Variants in ZNF385B observed in about 807,000 individuals in gnomAD.
ZNF385B encodes the protein zinc finger protein 385B, also known as zinc finger protein 533.
A neutral mutation model predicts 39.2 loss-of-function variants in ZNF385B; 23 were observed. The ratio of observed to expected loss-of-function variants is 0.59; its 90% CI spans 0.42 to 0.83. The LOEUF (loss-of-function observed/expected upper bound fraction) is 0.83. Among genes scored for constraint, ZNF385B ranks in the 40% least tolerant of loss-of-function variants. The pLI, the probability that ZNF385B is intolerant of heterozygous loss-of-function variation, is 0.00. For synonymous variants in ZNF385B, 205 were observed against 222.6 expected, an observed-to-expected ratio of 0.92 and a Z score of 0.70; for missense variants, 552 against 598.9, an observed-to-expected ratio of 0.92 and a Z score of 0.82.
At chr2:179,476,995 C>T (rs1435470683) in intron 6 of ZNF385B, among the ~76,000 whole-genome samples, 1 of 152,098 alleles carries the variant, frequency 6.6e-6, no homozygotes, top group Non-Finnish European at 1.5e-5. Flanking sequence ...CAGATGCTGC[C>T]AAAGCAGAAA....
intron 3 of ZNF385B, among the ~76,000 whole-genome samples, chr2:179,663,713 C>T: frequency 1.5e-5 from 1 of 67,736 alleles, no homozygotes; most frequent in African/African-American, 6.8e-5. Flanking sequence ...GACTCCGTCT[C>T]AAAAAAAAAA....
intron 5 of ZNF385B, among the ~76,000 whole-genome samples, chr2:179,499,779 G>T (rs1446887814): frequency 6.6e-6 from 1 of 151,982 alleles, no homozygotes; most frequent in African/African-American, 2.4e-5. Flanking sequence ...AGTACTTGAA[G>T]TCCTAGCTAG....
chr2:179,452,452 G>C (rs1375302593), intron 6 of ZNF385B, among the ~76,000 whole-genome samples: 1 of 152,032 alleles, frequency 6.6e-6, no homozygotes, highest in Non-Finnish European at 1.5e-5. Context: ...GAAGTTTTAA[G>C]AAACCAATCC....
intron 1 of ZNF385B, among the ~76,000 whole-genome samples, chr2:179,859,040 T>A (rs529733708): frequency 1.4e-4 from 22 of 152,320 alleles, no homozygotes; most frequent in African/African-American, 5.3e-4. Context: ...CTTTCAGAAT[T>A]GTTTTGAAAG....
intron 3 of ZNF385B, among the ~76,000 whole-genome samples, 192 bp from the exon 4 acceptor site, chr2:179,545,161 G>T (rs1200370565): frequency 6.6e-6 from 1 of 152,196 alleles, no homozygotes; most frequent in Admixed American, 6.5e-5. Flanking sequence ...AGACAGTGGT[G>T]CACAATGCTT....
chr2:179,838,932 G>GT (rs1708400054), intron 1 of ZNF385B, among the ~76,000 whole-genome samples: 6 of 146,732 alleles, frequency 4.1e-5, no homozygotes, highest in African/African-American at 1.3e-4. Context: ...AAAAAAAGGG[G>GT]GGGGGGCATT....
At chr2:179,500,857 A>G (rs2056691585) in intron 5 of ZNF385B, among the ~76,000 whole-genome samples, 3 of 152,216 alleles carry the variant, frequency 2.0e-5, no homozygotes, top group Admixed American at 2.0e-4. Context: ...CAAGGGATTA[A>G]TAACTAGAAT....
chr2:179,594,012 G>A (rs775393324), intron 3 of ZNF385B, among the ~76,000 whole-genome samples: 1 of 148,230 alleles, frequency 6.7e-6, no homozygotes, highest in Non-Finnish European at 1.5e-5. Context: ...GGGAAGATCA[G>A]GCAGACTTCT....
chr2:179,573,601 A>T (rs1385320589), intron 3 of ZNF385B, among the ~76,000 whole-genome samples: 1 of 152,130 alleles, frequency 6.6e-6, no homozygotes, highest in African/African-American at 2.4e-5. Context: ...AAAATAAAAA[A>T]TTTAGATTAA....
At chr2:179,824,345 T>C (rs1198959632) in intron 1 of ZNF385B, among the ~76,000 whole-genome samples, 2 of 152,238 alleles carry the variant, frequency 1.3e-5, no homozygotes, top group Middle Eastern at 3.4e-3. Context: ...CACTGTACTT[T>C]AGAAAGAGAA....
intron 1 of ZNF385B, among the ~76,000 whole-genome samples, chr2:179,792,365 A>ATTT (rs66980141): frequency 8.3e-6 from 1 of 120,616 alleles, no homozygotes; most frequent in Admixed American, 9.4e-5. Context: ...AGGCCATTTC[A>ATTT]TTTTCTTTTC....
At chr2:179,714,791 C>T (rs779560827) in intron 3 of ZNF385B, among the ~76,000 whole-genome samples, 2 of 147,472 alleles carry the variant, frequency 1.4e-5, no homozygotes, top group African/African-American at 2.5e-5. Flanking sequence ...ACTAAAACTA[C>T]AAAAAAAAAA....
chr2:179,821,520 C>G (rs1707394017), intron 1 of ZNF385B, among the ~76,000 whole-genome samples: 1 of 152,038 alleles, frequency 6.6e-6, no homozygotes, highest in African/African-American at 2.4e-5. Context: ...AAACTAAAAA[C>G]AATACTCTCG....
chr2:179,599,312 G>T (rs1228574543), intron 3 of ZNF385B, among the ~76,000 whole-genome samples: 1 of 152,094 alleles, frequency 6.6e-6, no homozygotes, highest in African/African-American at 2.4e-5. Context: ...CCACTTTTGT[G>T]ACTTAATGTC....
intron 3 of ZNF385B, among the ~76,000 whole-genome samples, chr2:179,746,821 G>A (rs1185072486): frequency 2.6e-5 from 4 of 151,944 alleles, no homozygotes; most frequent in Admixed American, 6.6e-5. Flanking sequence ...ATATACCCCA[G>A]AAATACATAT....
At chr2:179,822,422 T>C (rs1188272696) in intron 1 of ZNF385B, among the ~76,000 whole-genome samples, 2 of 152,248 alleles carry the variant, frequency 1.3e-5, no homozygotes, top group Middle Eastern at 3.2e-3. Flanking sequence ...ATGATGGTAA[T>C]AATGATGAAA....
intron 3 of ZNF385B, among the ~76,000 whole-genome samples, chr2:179,727,742 C>T (rs547870596): frequency 9.2e-5 from 14 of 152,076 alleles, no homozygotes; most frequent in Middle Eastern, 3.4e-3. Context: ...ACATGTCACA[C>T]CTAAATCCTA....
In ZNF385B at chr2:179,751,166, C is replaced by G. The variant is rs116181878; in HGVS notation, c.298+18337G>C. Among the ~76,000 whole-genome samples the G allele has an allele frequency of 5.4e-5, 8 of 147,604 alleles. No homozygotes were observed. The Admixed American group carries it at 5.5e-4, about 10-fold the overall frequency. The stretch of plus-strand genomic sequence containing the variant: ...TCTCCTGCTCTTCCCACCCTCCCCA[C>G]CCCCTGCCATGTCTCCCCTACAGAT... On this transcript the variant is annotated intron_variant, in intron 3 of 9. Coordinates refer to ENST00000410066, the MANE Select transcript of ZNF385B (RefSeq NM_152520.6).
chr2:179,622,418 T>A (rs1690293289), intron 3 of ZNF385B, among the ~76,000 whole-genome samples: 1 of 152,172 alleles, frequency 6.6e-6, no homozygotes, highest in Admixed American at 6.5e-5. Flanking sequence ...ATACTCTGTC[T>A]GTGGTATCTA....
Sources: allele counts gnomAD v4.1 joint callset (sites outside exome capture counted in the v4.1 genomes callset), GRCh38; gene constraint gnomAD v4.1.1; transcripts MANE v1.5; gene names NCBI Gene and HGNC (gene_info 2026-07-23, HGNC 2026-07-21).